Variants in ZDHHC22 observed in about 807,000 individuals in gnomAD.
ZDHHC22 encodes zDHHC palmitoyltransferase 22, also known as palmitoyltransferase ZDHHC22.
In ZDHHC22, 13 loss-of-function variants were observed where a neutral mutation model predicts 17.0. The observed-to-expected ratio is 0.76, with a 90% CI of 0.50 to 1.21. ZDHHC22 has a LOEUF of 1.21. ZDHHC22 is among the 50% of genes most tolerant of loss of function. The pLI, the probability that ZDHHC22 is intolerant of heterozygous loss-of-function variation, is 0.00. For synonymous variants in ZDHHC22, 138 were observed against 154.7 expected, an observed-to-expected ratio of 0.89 and a Z score of 0.80; for missense variants, 319 against 342.3, an observed-to-expected ratio of 0.93 and a Z score of 0.54.
rs1388833785 is a variant in ZDHHC22 at position 77,133,793 on chromosome 14, G to A, written c.682C>T (p.Arg228Trp). ...QVRKGVAVRA[R>W]PWRKNLQEVF... ...TCTTGTAAGTTCTTGCGCCAGGGCCGGGCCCTCACTGCCACCCCCTTCCGC... is the reference window on the plus strand; with the variant it reads ...TCTTGTAAGTTCTTGCGCCAGGGCCAGGCCCTCACTGCCACCCCCTTCCGC... The change falls in exon 3 of 3, where the codon CGG becomes TGG. Residue 228 changes from arginine (R) to tryptophan (W), a missense_variant. Transcript: ENST00000319374. The A allele has an allele frequency of 1.9e-6, 3 of 1,613,974 alleles. No individual in the cohort carries two copies. The highest frequency in any genetic ancestry group is 2.5e-6 in the Non-Finnish European group (3 of 1,179,886).
rs1887067972 is a variant in ZDHHC22, at chr14:77,133,270, C to T, written c.*413G>A. The T allele has an allele frequency of 5.8e-6, 1 of 171,990 alleles. No individual in the cohort carries two copies. Among genetic ancestry groups the T allele is most frequent in the Non-Finnish European group, 1.2e-5 (1 of 80,508 alleles). 10.7% of individuals were successfully genotyped at this position (171,990 alleles called of 1,614,324 possible). ...TTTAAACATTTGCCAGCCTCTAGGT[C>T]CCAGGGAGTCTCATACCAGCAGCAA... On this transcript the variant is annotated 3_prime_UTR_variant, in exon 3 of 3. Coordinates refer to ENST00000319374, the MANE Select transcript of ZDHHC22 (RefSeq NM_174976.2).
At chr14:77,138,018 T>C (rs956777749) in intron 2 of ZDHHC22, among the ~76,000 whole-genome samples, 7 of 152,298 alleles carry the variant, frequency 4.6e-5, no homozygotes, top group Middle Eastern at 3.4e-3. Flanking sequence ...TAGTCCCGTC[T>C]GAGTCTCGGT....
rs1474662870 is a variant in ZDHHC22, at chr14:77,141,635, A to T, written c.-47T>A. The T allele has an allele frequency of 6.5e-6, 1 of 152,960 alleles. No homozygotes were observed. The highest frequency in any genetic ancestry group is 1.5e-5 in the Non-Finnish European group (1 of 68,054). 9.5% of individuals were successfully genotyped at this position (152,960 alleles called of 1,614,324 possible). On this transcript the variant is annotated 5_prime_UTR_variant, in exon 1 of 3. Coordinates refer to ENST00000319374, the MANE Select transcript of ZDHHC22 (RefSeq NM_174976.2). ...TGGTCGCCGACAAGAGGAGCCCCGG[A>T]CGCCGGCTCTCGCCCTGCCCGAGGC... is the stretch of plus-strand genomic sequence containing the variant.
chr14:77,139,587 C>T lies in ZDHHC22; in HGVS notation c.152G>A (p.Gly51Glu). Residue 51 changes from glycine to glutamate, a missense_variant, in exon 2 of 3, where the codon GGG (glycine) becomes GAG (glutamate). Gly to Glu is a moderately conservative substitution (Grantham distance 98). Coordinates refer to ENST00000319374, the MANE Select transcript of ZDHHC22 (RefSeq NM_174976.2). ...ARLFSPALLH[G>E]ALFLFLSANA... is the part of the protein sequence containing the mutation. ...GGCCGAGAGGAATAGGAAGAGCGCC[C>T]CGTGGAGCAGGGCGGGCGAGAAGAG... The T allele has an allele frequency of 6.3e-7, 1 of 1,594,960 alleles. No homozygotes were observed. Among genetic ancestry groups the T allele is most frequent in the South Asian group, 1.1e-5 (1 of 88,430 alleles).
At position 77,139,552 on chromosome 14, in the gene ZDHHC22, C is replaced by G. The variant is rs1437811878; in HGVS notation, c.187G>C (p.Gly63Arg). Residue 63 changes from glycine to arginine, a missense_variant, in exon 2 of 3, where the codon GGC becomes CGC. By Grantham distance (125) the Gly-to-Arg change is moderately radical (BLOSUM62 -2). Transcript: ENST00000319374. ...TTCTGGATGACAAGGACGTAATTGC[C>G]CAGGGCGTTGGCCGAGAGGAATAGG... is the stretch of plus-strand genomic sequence containing the variant. ...LFLFLSANAL[G>R]NYVLVIQNSP... 1 of 1,606,126 alleles carries G rather than the reference C, an allele frequency of 6.2e-7. No individual in the cohort carries two copies. Among genetic ancestry groups the G allele is most frequent in the African/African-American group, 1.3e-5 (1 of 74,804 alleles).
In ZDHHC22 at chr14:77,140,224, C is replaced by T. The variant is rs1887226577; in HGVS notation, c.-14-472G>A. Among the ~76,000 whole-genome samples, 2 of 152,118 alleles carry T rather than the reference C, an allele frequency of 1.3e-5. No individual in the cohort carries two copies. Among genetic ancestry groups the T allele is most frequent in the Admixed American group, 1.3e-4 (2 of 15,274 alleles). On this transcript the variant is annotated intron_variant, in intron 1 of 2. Coordinates refer to ENST00000319374, the MANE Select transcript of ZDHHC22 (RefSeq NM_174976.2). This position sits in a 1 kb window ranked among gnomAD's most constrained non-coding sequence, Gnocchi z 5.9. ...GGCACTTGACCTGCTGGAAATCCTGCTTCACACTCCCCTTTCTCCGTCCCT... is the reference window on the plus strand; with the variant it reads ...GGCACTTGACCTGCTGGAAATCCTGTTTCACACTCCCCTTTCTCCGTCCCT...
Position 77,139,379 on chromosome 14 carries a change from G to T in ZDHHC22, c.360C>A (p.Ser120Arg). Residue 120 changes from serine to arginine, a missense_variant, in exon 2 of 3, where the codon AGC (serine) becomes AGA (arginine). Transcript: ENST00000319374. ...HCFFTGNCIG[S>R]RNMRNFVLFC... ...ACAGGACGAAGTTGCGCATGTTCCT[G>T]CTGCCGATGCAGTTGCCGGTGAAGA... 1 of 1,605,130 alleles carries T rather than the reference G, an allele frequency of 6.2e-7. No individual in the cohort carries two copies. The highest frequency in any genetic ancestry group is 8.5e-7 in the Non-Finnish European group (1 of 1,176,176).
At chr14:77,139,822 C>G in intron 1 of ZDHHC22, 70 bp from the exon 2 acceptor site, 1 of 1,413,914 alleles carries the variant, frequency 7.1e-7, no homozygotes, top group Non-Finnish European at 9.3e-7. Context: ...CCCGCTCCTC[C>G]GTGCCGCGCG....
intron 2 of ZDHHC22, 108 bp from the exon 3 acceptor site, chr14:77,134,056 T>G: frequency 1.5e-6 from 2 of 1,294,406 alleles, no homozygotes; most frequent in Non-Finnish European, 2.1e-6. Context: ...ATTAATGAGA[T>G]TGACGCTACA....
chr14:77,133,937 C>A lies in ZDHHC22; in HGVS notation c.538G>T (p.Gly180Cys), dbSNP rs1396097140. 6.3e-7 allele frequency: 1 copy of A among 1,589,014 alleles called. No homozygotes were observed. Among genetic ancestry groups the A allele is most frequent in the Non-Finnish European group, 8.6e-7 (1 of 1,166,524 alleles). The change falls in exon 3 of 3, where the codon GGT (glycine) becomes TGT (cysteine). Residue 180 changes from glycine to cysteine, a missense_variant. Gly to Cys is a radical substitution (Grantham distance 159). Coordinates refer to ENST00000319374, the MANE Select transcript of ZDHHC22 (RefSeq NM_174976.2). Reference sequence around the variant, plus strand: ...ATGAGGATGACGAACATTTCAGAACCCAGGACAGCTCCTGCAGGGCACGGG... The same window carrying A: ...ATGAGGATGACGAACATTTCAGAACACAGGACAGCTCCTGCAGGGCACGGG... ...ISQFFSGAVL[G>C]SEMFVILMLY...
intron 2 of ZDHHC22, 87 bp from the exon 3 acceptor site, chr14:77,134,035 G>A: frequency 1.4e-6 from 2 of 1,415,404 alleles, no homozygotes; most frequent in Non-Finnish European, 1.9e-6. Flanking sequence ...TTTCCACCGG[G>A]AGGGAGGGAG....
rs765611457 is a variant in ZDHHC22, at chr14:77,133,724, A to G, written c.751T>C (p.Phe251Leu). Residue 251 changes from phenylalanine to leucine, a missense_variant, in exon 3 of 3, where the codon TTC becomes CTC. Physicochemically the swap from Phe to Leu is conservative, Grantham distance 22. Transcript: ENST00000319374. ...TTGGAGCTCTCACTTCCGACATTGA[A>G]CATGGGGACCAGCAGGCCCAGCAGC... ...RWLLGLLVPM[F>L]NVGSESSKQQ... The G allele has an allele frequency of 6.8e-5, 110 of 1,613,866 alleles. No individual in the cohort carries two copies. The highest frequency in any genetic ancestry group is 9.0e-5 in the Non-Finnish European group (106 of 1,179,892).
Position 77,133,792 on chromosome 14 carries a change from C to T in ZDHHC22, c.683G>A (p.Arg228Gln). The change falls in exon 3 of 3, where the codon CGG (arginine) becomes CAG (glutamine). Residue 228 changes from arginine to glutamine, a missense_variant. Physicochemically the swap from Arg to Gln is conservative, Grantham distance 43 (BLOSUM62 1). Transcript: ENST00000319374. ...CTCTTGTAAGTTCTTGCGCCAGGGC[C>T]GGGCCCTCACTGCCACCCCCTTCCG... ...QVRKGVAVRA[R>Q]PWRKNLQEVF... 6 of 1,614,000 alleles carry T rather than the reference C, an allele frequency of 3.7e-6. No homozygotes were observed. Among genetic ancestry groups the T allele is most frequent in the Non-Finnish European group, 5.1e-6 (6 of 1,179,890 alleles).
chr14:77,139,867 C>T, intron 1 of ZDHHC22, 115 bp from the exon 2 acceptor site: 3 of 1,125,086 alleles, frequency 2.7e-6, no homozygotes, highest in Non-Finnish European at 3.6e-6. Flanking sequence ...CGCCCCCAAC[C>T]CCCTGTCCCG....
intron 2 of ZDHHC22, among the ~76,000 whole-genome samples, chr14:77,136,880 C>A (rs549240003): frequency 6.6e-6 from 1 of 152,344 alleles, no homozygotes; most frequent in East Asian, 1.9e-4. Flanking sequence ...AAGCAATTCT[C>A]TCACCTCAGC....
rs1322684105 is a variant in ZDHHC22 at position 77,132,288 on chromosome 14, T to G, written c.*1395A>C. On this transcript the variant is annotated 3_prime_UTR_variant, in exon 3 of 3. Coordinates refer to ENST00000319374, the MANE Select transcript of ZDHHC22 (RefSeq NM_174976.2). ...AGCCTTAGCTCACCACTGCCCCCCA[T>G]GCCCTGCCACTGACAATGACACTGC... is the stretch of plus-strand genomic sequence containing the variant. 1 of 152,516 alleles carries G rather than the reference T, an allele frequency of 6.6e-6. No homozygotes were observed. The highest frequency in any genetic ancestry group is 1.5e-5 in the Non-Finnish European group (1 of 68,234). 9.4% of individuals were successfully genotyped at this position (152,516 alleles called of 1,614,324 possible). A position where few individuals can be genotyped will look rare whatever the true frequency, so the allele number is the denominator to read the frequency against.
rs1233138722 is a variant in ZDHHC22, at chr14:77,133,692, C to G, written c.783G>C (p.Gln261His). ...FNVGSESSKQQDK is the reference protein window; with the variant it reads ...FNVGSESSKQHDK ...ATGACGGGAGTGTCTACTACTTATC[C>G]TGCTGCTTGGAGCTCTCACTTCCGA... The change falls in exon 3 of 3, where the codon CAG becomes CAC. Residue 261 changes from glutamine (Q) to histidine (H), a missense_variant. Gln to His is a conservative substitution (Grantham distance 24). Transcript: ENST00000319374. 1.2e-6 allele frequency: 2 copies of G among 1,613,230 alleles called. No individual in the cohort carries two copies. The highest frequency in any genetic ancestry group is 3.3e-5 in the Admixed American group (2 of 59,982).
intron 2 of ZDHHC22, 83 bp downstream of exon 2, chr14:77,139,130 T>G (rs117424458): frequency 2.8e-6 from 4 of 1,434,004 alleles, no homozygotes; most frequent in African/African-American, 2.9e-5. Context: ...TGGCAACTTT[T>G]GGGGTTGGGG....
rs1052796448 is a variant in ZDHHC22, at chr14:77,132,622, C to T, written c.*1061G>A. The T allele has an allele frequency of 6.6e-6, 1 of 152,196 alleles. No individual in the cohort carries two copies. Among genetic ancestry groups the T allele is most frequent in the Admixed American group, 6.5e-5 (1 of 15,278 alleles). The allele number at this position is 152,196 out of a possible 1,614,324, so 9.4% of individuals were successfully genotyped here. ...GACTGCCTAGACTCTGCTGGAATAC[C>T]TCCAGTGATGGGGCACTCACTACCT... On this transcript the variant is annotated 3_prime_UTR_variant, in exon 3 of 3. Transcript: ENST00000319374.
Sources: allele counts gnomAD v4.1 joint callset (sites outside exome capture counted in the v4.1 genomes callset), GRCh38; gene constraint gnomAD v4.1.1; non-coding constraint Gnocchi (gnomAD v3.1); transcripts MANE v1.5; gene names NCBI Gene and HGNC (gene_info 2026-07-23, HGNC 2026-07-21).